BLNK: variants seen among roughly 807,000 people sequenced by gnomAD.
BLNK encodes B cell linker.
BLNK carries 29 observed loss-of-function variants against 73.5 expected under a neutral mutation model. The ratio of observed to expected loss-of-function variants is 0.39; its 90% CI spans 0.29 to 0.54. The LOEUF is 0.54. Ranked by LOEUF, BLNK falls within the 20% of genes least tolerant of loss-of-function variation. The probability of loss-of-function intolerance (pLI) is 0.61; values close to 1 mark genes in which losing one functional copy is unlikely to be tolerated. For synonymous variants in BLNK, 176 were observed against 200.8 expected (o/e 0.88, Z 1.04); for missense variants, 460 against 562.8 (o/e 0.82, Z 1.85).
At chr10:96,240,347 A>G (rs1554905940) in intron 3 of BLNK, among the ~76,000 whole-genome samples, 1 of 152,152 alleles carries the variant, frequency 6.6e-6, no homozygotes. Flanking sequence ...CCAGAGAAGA[A>G]ACCACTCAGA....
chr10:96,189,384 G>C lies in BLNK; in HGVS notation c.*2589C>G, dbSNP rs1180173645. On this transcript the variant is annotated 3_prime_UTR_variant, in exon 17 of 17. Transcript: ENST00000224337. ...TCTAAAGAGACTTCCTCCACTGCCAGGATCTTGAATAGTCTCCTGGTCAGT... is the reference window on the plus strand; with the variant it reads ...TCTAAAGAGACTTCCTCCACTGCCACGATCTTGAATAGTCTCCTGGTCAGT... 1 of 577,580 alleles carries C rather than the reference G, an allele frequency of 1.7e-6. No homozygotes were observed. The highest frequency in any genetic ancestry group is 4.1e-5 in the East Asian group (1 of 24,398). The allele number at this position is 577,580 out of a possible 1,614,324, so 35.8% of individuals were successfully genotyped here. A position where few individuals can be genotyped will look rare whatever the true frequency, so the allele number is the denominator to read the frequency against.
At position 96,191,919 on chromosome 10, in the gene BLNK, G is replaced by A. The variant is rs917851799; in HGVS notation, c.*54C>T. The A allele has an allele frequency of 1.9e-5, 31 of 1,609,274 alleles. No homozygotes were observed. Among genetic ancestry groups the A allele is most frequent in the Non-Finnish European group, 2.3e-5 (27 of 1,177,140 alleles). On this transcript the variant is annotated 3_prime_UTR_variant, in exon 17 of 17. Coordinates refer to ENST00000224337, the MANE Select transcript of BLNK (RefSeq NM_013314.4). ...AAGTTTTGGGACTTTTTCTCAAAAG[G>A]AGAAACTTTGGGAAAGTGTCTGAAG...
At chr10:96,221,825 G>A (rs1262463399) in intron 6 of BLNK, among the ~76,000 whole-genome samples, 2 of 152,154 alleles carry the variant, frequency 1.3e-5, no homozygotes, top group Non-Finnish European at 2.9e-5. Flanking sequence ...GGACAACATC[G>A]CCTCTCAGAT....
intron 2 of BLNK, among the ~76,000 whole-genome samples, chr10:96,246,560 C>T (rs1442736727): frequency 6.6e-6 from 1 of 151,996 alleles, no homozygotes; most frequent in Non-Finnish European, 1.5e-5. Flanking sequence ...CTCAAAAAAA[C>T]AAAAAAACAA....
chr10:96,236,066 C>T (rs1229463044), intron 3 of BLNK, among the ~76,000 whole-genome samples: 2 of 152,096 alleles, frequency 1.3e-5, no homozygotes, highest in African/African-American at 4.8e-5. Flanking sequence ...AAGGACAGTA[C>T]AGGACTCTGT....
At chr10:96,214,658 G>A (rs782406428) in intron 8 of BLNK, among the ~76,000 whole-genome samples, 13 of 152,130 alleles carry the variant, frequency 8.5e-5, no homozygotes, top group African/African-American at 3.1e-4. Flanking sequence ...CTGTGTGGGA[G>A]CATCAAGGTG....
In BLNK at chr10:96,199,880, C is replaced by T. The variant is rs12776881; in HGVS notation, c.1095+195G>A. 0.3 allele frequency: 89,867 copies of T among 296,620 alleles called. 14,919 individuals are homozygous for T. Among genetic ancestry groups the T allele is most frequent in the Non-Finnish European group, 0.35 (57,102 of 162,942 alleles). The allele number at this position is 296,620 out of a possible 1,614,324, so 18.4% of individuals were successfully genotyped here. On this transcript the variant is annotated intron_variant, in intron 15 of 16. Transcript: ENST00000224337. ...CTCTACTAAAAATACAAAAATTAGC[C>T]GGGCTTGGGGGCACACACATGTAAT...
intron 2 of BLNK, among the ~76,000 whole-genome samples, chr10:96,243,256 G>T (rs966608190): frequency 6.6e-6 from 1 of 152,094 alleles, no homozygotes; most frequent in South Asian, 2.1e-4. Flanking sequence ...TTTTAAAAAC[G>T]CAAATAAGCC....
chr10:96,225,826 A>T (rs1385911749), intron 5 of BLNK, among the ~76,000 whole-genome samples: 1 of 151,936 alleles, frequency 6.6e-6, no homozygotes. Context: ...TGTATTTTTA[A>T]TAGAGACGGG....
At chr10:96,218,286 T>C (rs979195905) in intron 6 of BLNK, among the ~76,000 whole-genome samples, 1 of 152,226 alleles carries the variant, frequency 6.6e-6, no homozygotes, top group African/African-American at 2.4e-5. Context: ...TTTTTTCTCA[T>C]TTAATCCTCT....
In BLNK at chr10:96,215,511, A is replaced by G. The variant is rs1023453244; in HGVS notation, c.608-122T>C. 3 of 864,870 alleles carry G rather than the reference A, an allele frequency of 3.5e-6. No homozygotes were observed. In the African/African-American group the frequency reaches 5.2e-5, roughly 15 times the overall value. The allele number at this position is 864,870 out of a possible 1,614,324, so 53.6% of individuals were successfully genotyped here. A position where few individuals can be genotyped will look rare whatever the true frequency, so the allele number is the denominator to read the frequency against. The stretch of plus-strand genomic sequence containing the variant: ...TGATGACCAGACCAGAGAATTTGCA[A>G]AGAATGGGAGACACCCTTATTAGAC... On this transcript the variant is annotated intron_variant, in intron 7 of 16. Coordinates refer to ENST00000224337, the MANE Select transcript of BLNK (RefSeq NM_013314.4).
Position 96,223,894 on chromosome 10 carries a change from G to C in BLNK, c.457C>G (p.Leu153Val). The change falls in exon 6 of 17, where the codon CTG becomes GTG. Residue 153 changes from leucine (L) to valine (V), a missense_variant. This residue lies in a region of BLNK where 233 missense variants were observed against 232.1 expected (regional missense o/e 1.00). Transcript: ENST00000224337. ...PSEKARLTST[L>V]PALTALQKPQ... ...TTCTGCAAAGCAGTCAGGGCCGGCA[G>C]GGTGGAGGTGAGCCTTGCTTTCTCT... The C allele has an allele frequency of 6.2e-7, 1 of 1,613,884 alleles. No individual in the cohort carries two copies. The highest frequency in any genetic ancestry group is 1.1e-5 in the South Asian group (1 of 91,062).
At position 96,257,846 on chromosome 10, in the gene BLNK, T is replaced by C. The variant is rs545591248; in HGVS notation, c.48-10797A>G. Reference sequence around the variant, plus strand: ...GAAAGGGGCTCCTTTCACCACCTTATCACATGACAGAAACCTTCTGGCCTA... The same window carrying C: ...GAAAGGGGCTCCTTTCACCACCTTACCACATGACAGAAACCTTCTGGCCTA... On this transcript the variant is annotated intron_variant, in intron 1 of 16. Transcript: ENST00000224337. Among the ~76,000 whole-genome samples the C allele has an allele frequency of 2.5e-3, 375 of 152,280 alleles. 1 individual carries two copies. Among genetic ancestry groups the C allele is most frequent in the Non-Finnish European group, 4.0e-3 (272 of 68,016 alleles).
At chr10:96,265,929 A>G (rs1319007323) in intron 1 of BLNK, among the ~76,000 whole-genome samples, 1 of 152,158 alleles carries the variant, frequency 6.6e-6, no homozygotes, top group Non-Finnish European at 1.5e-5. Context: ...GTGACAACCA[A>G]ATGTTCCCTT....
chr10:96,208,039 G>T, intron 9 of BLNK, 140 bp from the exon 10 acceptor site: 1 of 911,036 alleles, frequency 1.1e-6, no homozygotes, highest in South Asian at 1.4e-5. Context: ...GCAGGGTGGA[G>T]AGGGATGGAA....
intron 1 of BLNK, among the ~76,000 whole-genome samples, chr10:96,253,424 C>T (rs548334653): frequency 6.6e-6 from 1 of 152,300 alleles, no homozygotes; most frequent in South Asian, 2.1e-4. Flanking sequence ...GAATGCCTTG[C>T]TTCTGGGAGC....
intron 1 of BLNK, among the ~76,000 whole-genome samples, chr10:96,249,152 G>T (rs1336463287): frequency 6.6e-6 from 1 of 152,182 alleles, no homozygotes; most frequent in Non-Finnish European, 1.5e-5. Flanking sequence ...CACAGCTATT[G>T]TTCTTGTAGG....
intron 15 of BLNK, among the ~76,000 whole-genome samples, chr10:96,198,601 T>C (rs1591295258): frequency 6.6e-6 from 1 of 152,342 alleles, no homozygotes; most frequent in East Asian, 1.9e-4. Flanking sequence ...CAACACAATC[T>C]AGTGGAGCAA....
chr10:96,203,347 A>T (rs890857205), intron 13 of BLNK, among the ~76,000 whole-genome samples: 1 of 152,224 alleles, frequency 6.6e-6, no homozygotes, highest in African/African-American at 2.4e-5. Context: ...TTAAAAATTT[A>T]AAAAGCCAAT....
Sources: allele counts gnomAD v4.1 joint callset (sites outside exome capture counted in the v4.1 genomes callset), GRCh38; gene constraint gnomAD v4.1.1; regional missense constraint gnomAD v4.1.1; transcripts MANE v1.5; gene names NCBI Gene and HGNC (gene_info 2026-07-23, HGNC 2026-07-21).